Variants in LAPTM4A observed in about 807,000 individuals in gnomAD.
LAPTM4A encodes lysosomal-associated transmembrane protein 4A.
LAPTM4A carries 19 observed loss-of-function variants against 29.9 expected under a neutral mutation model. The ratio of observed to expected loss-of-function variants is 0.64; its 90% CI spans 0.44 to 0.93. The LOEUF (loss-of-function observed/expected upper bound fraction) is 0.93, where lower values mean the gene tolerates loss of function less well. LAPTM4A is among the 40% of genes least tolerant of loss of function. The pLI is 0.00. For missense variants in LAPTM4A, 293 were observed against 288.5 expected (o/e 1.02, Z -0.11); for synonymous variants, 105 against 102.1 (o/e 1.03, Z -0.17).
rs1674071484 is a variant in LAPTM4A, at chr2:20,051,461, GCAGCAC to G, written c.54_59del (p.Cys19_Cys20del). On this transcript the variant is annotated inframe_deletion, in exon 1 of 7. Coordinates refer to ENST00000175091, the MANE Select transcript of LAPTM4A (RefSeq NM_014713.5). ...TCCCGGTGCGGACATGGCAACAGCCGCAGCACCGGGTGCTGTAGAACCGGTCACTGC... is the reference window on the plus strand; with the variant it reads ...TCCCGGTGCGGACATGGCAACAGCCGCGGGTGCTGTAGAACCGGTCACTGC... 6.2e-7 allele frequency: 1 copy of G among 1,613,288 alleles called. No individual in the cohort carries two copies. The highest frequency in any genetic ancestry group is 8.5e-7 in the Non-Finnish European group (1 of 1,179,660).
At chr2:20,050,151 G>A (rs760810320) in intron 1 of LAPTM4A, among the ~76,000 whole-genome samples, 2 of 152,166 alleles carry the variant, frequency 1.3e-5, no homozygotes, top group Non-Finnish European at 2.9e-5. Context: ...CATTCGTGTT[G>A]TTTTTTAAAT....
In LAPTM4A at chr2:20,046,802, A is replaced by AT. The variant is rs532042145; in HGVS notation, c.111+4607dup. 1.5e-3 allele frequency among the ~76,000 whole-genome samples: 214 copies of AT among 143,794 alleles called. 2 individuals carry two copies. The highest frequency in any genetic ancestry group is 0.015 in the Middle Eastern group (4 of 274). The allele number at this position is 143,794 out of a possible 152,430, so 94.3% of individuals were successfully genotyped here. A position where few individuals can be genotyped will look rare whatever the true frequency, so the allele number is the denominator to read the frequency against. ...TAAATATATATATAATATAATATAT[A>AT]TTTTTTTTTGGTAGAGAGGGGGTTT... On this transcript the variant is annotated intron_variant, in intron 1 of 6. Coordinates refer to ENST00000175091, the MANE Select transcript of LAPTM4A (RefSeq NM_014713.5).
chr2:20,034,211 C>T, intron 6 of LAPTM4A, 106 bp downstream of exon 6: 2 of 820,540 alleles, frequency 2.4e-6, no homozygotes, highest in South Asian at 1.4e-5. Flanking sequence ...GGGTTCATGC[C>T]CAAACCATAG....
chr2:20,048,818 T>C (rs1673994224), intron 1 of LAPTM4A, among the ~76,000 whole-genome samples: 1 of 152,220 alleles, frequency 6.6e-6, no homozygotes, highest in South Asian at 2.1e-4. Context: ...TAAAGCAGCT[T>C]CTGAGAATAA....
rs528518214 is a variant in LAPTM4A at position 20,035,074 on chromosome 2, A to T, written c.433-12T>A. 4.4e-5 allele frequency: 69 copies of T among 1,565,698 alleles called. No homozygotes were observed. The South Asian group carries it at 7.0e-4, about 16-fold the overall frequency. On this transcript the variant is annotated splice_polypyrimidine_tract_variant and intron_variant, in intron 4 of 6. Coordinates refer to ENST00000175091, the MANE Select transcript of LAPTM4A (RefSeq NM_014713.5). Reference sequence around the variant, plus strand: ...TAGGGAAAATCAGGCTATTAAAGAAACACACACACATTTACAAGTCAGCCA... The same window carrying T: ...TAGGGAAAATCAGGCTATTAAAGAATCACACACACATTTACAAGTCAGCCA...
At chr2:20,038,401 T>C (rs1673725398) in intron 2 of LAPTM4A, among the ~76,000 whole-genome samples, 1 of 152,170 alleles carries the variant, frequency 6.6e-6, no homozygotes, top group Non-Finnish European at 1.5e-5. Flanking sequence ...CACAAATCTG[T>C]AGTTGATTCT....
chr2:20,049,338 T>A (rs1006690175), intron 1 of LAPTM4A, among the ~76,000 whole-genome samples: 1 of 152,228 alleles, frequency 6.6e-6, no homozygotes. Flanking sequence ...TAAAATGTTT[T>A]ACACTAATCT....
chr2:20,038,511 A>T (rs1147118), intron 2 of LAPTM4A, among the ~76,000 whole-genome samples: 89,043 of 151,694 alleles, frequency 0.59, 28,990 homozygotes, highest in Non-Finnish European at 0.72. Context: ...CTGCAACCTC[A>T]ACCTCCCAGG....
intron 1 of LAPTM4A, among the ~76,000 whole-genome samples, chr2:20,046,729 ATC>A (rs1673928575): frequency 7.3e-6 from 1 of 136,856 alleles, no homozygotes; most frequent in African/African-American, 2.6e-5. Context: ...TATATTATAT[ATC>A]TATATATAAA....
At chr2:20,034,626 A>G (rs1673641574) in intron 5 of LAPTM4A, among the ~76,000 whole-genome samples, 1 of 152,236 alleles carries the variant, frequency 6.6e-6, no homozygotes, top group Admixed American at 6.5e-5. Flanking sequence ...GAGAAACCAG[A>G]GATGGAGCTT....
At chr2:20,037,746 G>T in intron 2 of LAPTM4A, 132 bp from the exon 3 acceptor site, 16 of 424,576 alleles carry the variant, frequency 3.8e-5, no homozygotes, top group Middle Eastern at 6.3e-4. Flanking sequence ...CTAAGGCCAA[G>T]AGGGTAAAAA....
At chr2:20,050,913 G>A (rs79755859) in intron 1 of LAPTM4A, among the ~76,000 whole-genome samples, 18,063 of 152,234 alleles carry the variant, frequency 0.12, 1,472 homozygotes, top group Admixed American at 0.18. Context: ...CGGACAACCG[G>A]GTTACCGCTG....
At chr2:20,040,012 C>T (rs564212895) in intron 2 of LAPTM4A, among the ~76,000 whole-genome samples, 1 of 152,222 alleles carries the variant, frequency 6.6e-6, no homozygotes, top group African/African-American at 2.4e-5. Context: ...CACCACTGCA[C>T]TCCAGCCTGG....
At position 20,034,398 on chromosome 2, in the gene LAPTM4A, A is replaced by C. The variant is rs1276309850; in HGVS notation, c.546T>G (p.Cys182Trp). The change falls in exon 6 of 7, where the codon TGT becomes TGG. Residue 182 changes from cysteine to tryptophan, a missense_variant. Physicochemically the swap from Cys to Trp is radical, Grantham distance 215. Transcript: ENST00000175091. ...TGATGTATTTATAGCAGTTCCAAAC[A>C]CAGTTAATTAGATAAGCCTGGAAGA... Reference protein sequence around the residue: ...FIIFKAYLINCVWNCYKYINN... With the variant: ...FIIFKAYLINWVWNCYKYINN... The C allele has an allele frequency of 6.2e-7, 1 of 1,612,356 alleles. No individual in the cohort carries two copies. The highest frequency in any genetic ancestry group is 1.7e-5 in the Admixed American group (1 of 60,022).
At chr2:20,033,377 A>G (rs1673614457) in intron 6 of LAPTM4A, 98 bp from the exon 7 acceptor site, 1 of 867,070 alleles carries the variant, frequency 1.2e-6, no homozygotes, top group South Asian at 1.4e-5. Context: ...ATAGGGTTAT[A>G]CAAAACCATA....
chr2:20,035,128 G>T, intron 4 of LAPTM4A, 66 bp from the exon 5 acceptor site: 1 of 1,068,352 alleles, frequency 9.4e-7, no homozygotes, highest in South Asian at 1.3e-5. Context: ...ATAACCTGAA[G>T]AGCATCTGAA....
chr2:20,037,320 T>TG lies in LAPTM4A; in HGVS notation c.427dup (p.Gln143ProfsTer4). 6.2e-7 allele frequency: 1 copy of TG among 1,608,756 alleles called. No homozygotes were observed. The highest frequency in any genetic ancestry group is 8.5e-7 in the Non-Finnish European group (1 of 1,177,780). Reference sequence around the variant, plus strand: ...TTAATGAGCATACACACTTACTAGTTGATCCAGATATTCTTTGATTCTTGG... The same window carrying TG: ...TTAATGAGCATACACACTTACTAGTTGGATCCAGATATTCTTTGATTCTTGG... On this transcript the variant is annotated frameshift_variant, in exon 4 of 7. Transcript: ENST00000175091. LOFTEE classifies it high-confidence loss of function.
At chr2:20,037,279 TG>T (rs770993428) in intron 4 of LAPTM4A, 36 bp downstream of exon 4, 1 of 1,504,598 alleles carries the variant, frequency 6.6e-7, no homozygotes, top group Non-Finnish European at 9.0e-7. Flanking sequence ...TTACTCAAAA[TG>T]AAAAAAAAAT....
At chr2:20,047,817 G>A (rs534272555) in intron 1 of LAPTM4A, among the ~76,000 whole-genome samples, 2 of 152,194 alleles carry the variant, frequency 1.3e-5, no homozygotes, top group Admixed American at 1.3e-4. Context: ...GGAGGTTTTC[G>A]TACTACTTCA....
Sources: gnomAD v4.1 joint callset for allele counts (sites outside exome capture counted in the v4.1 genomes callset) on GRCh38, gnomAD v4.1.1 for gene constraint, MANE v1.5 for transcripts, NCBI Gene and HGNC (gene_info 2026-07-23, HGNC 2026-07-21) for gene names.